The following AK2 variants were observed in gnomAD, a reference collection of about 807,000 sequenced individuals.
AK2 encodes the protein adenylate kinase 2, also known as adenylate kinase 2, mitochondrial.
A neutral mutation model predicts 24.6 loss-of-function variants in AK2; 15 were observed. That is an observed-to-expected ratio of 0.61 (90% CI 0.41 to 0.94). The LOEUF is 0.94. Among genes scored for constraint, AK2 ranks in the 40% least tolerant of loss-of-function variants. The pLI is 0.00. For missense variants in AK2, 257 were observed against 304.1 expected (o/e 0.85, Z 1.15); for synonymous variants, 102 against 114.0 (o/e 0.90, Z 0.67).
rs545717464 is a variant in AK2 at position 33,009,850 on chromosome 1, C to T, written c.*3331G>A. ...CGACAAGAAAGGGCTTCTTTTCCTTCCAGCCAGGTCCAGAATTCAATGTCA... is the reference window on the plus strand; with the variant it reads ...CGACAAGAAAGGGCTTCTTTTCCTTTCAGCCAGGTCCAGAATTCAATGTCA... On this transcript the variant is annotated 3_prime_UTR_variant, in exon 6 of 6. Coordinates refer to ENST00000672715, the MANE Select transcript of AK2 (RefSeq NM_001625.4). 4.4e-6 allele frequency: 2 copies of T among 454,478 alleles called. No individual in the cohort carries two copies. Among genetic ancestry groups the T allele is most frequent in the African/African-American group, 4.0e-5 (2 of 50,110 alleles). 28.2% of individuals were successfully genotyped at this position (454,478 alleles called of 1,614,324 possible).
Position 33,011,665 on chromosome 1 carries a change from A to G in AK2, c.*1516T>C. 7.7e-7 allele frequency: 1 copy of G among 1,298,998 alleles called. No homozygotes were observed. Among genetic ancestry groups the G allele is most frequent in the Non-Finnish European group, 1.0e-6 (1 of 996,964 alleles). The allele number at this position is 1,298,998 out of a possible 1,614,324, so 80.5% of individuals were successfully genotyped here. A position where few individuals can be genotyped will look rare whatever the true frequency, so the allele number is the denominator to read the frequency against. On this transcript the variant is annotated 3_prime_UTR_variant, in exon 6 of 6. Transcript: ENST00000672715. ...CCACTGACTTTCTAATGGTTTTTCC[A>G]GAGGCTGCCGTTTTTGTGGTCCTTC...
In AK2 at chr1:33,008,005, A is replaced by G; in HGVS notation, c.*5176T>C. Reference sequence around the variant, plus strand: ...AACCTCTCACACAGCTAAGAATTTAATATGTTAGACTATTATTAATTATGA... The same window carrying G: ...AACCTCTCACACAGCTAAGAATTTAGTATGTTAGACTATTATTAATTATGA... On this transcript the variant is annotated 3_prime_UTR_variant, in exon 6 of 6. Coordinates refer to ENST00000672715, the MANE Select transcript of AK2 (RefSeq NM_001625.4). 1 of 453,800 alleles carries G rather than the reference A, an allele frequency of 2.2e-6. No homozygotes were observed. The allele number at this position is 453,800 out of a possible 1,614,324, so 28.1% of individuals were successfully genotyped here.
chr1:33,029,197 A>G (rs746496562), intron 1 of AK2: 4 of 152,196 alleles, frequency 2.6e-5, no homozygotes, highest in Admixed American at 6.5e-5. Flanking sequence ...CAGTCTTCTC[A>G]CCTTGTAACC....
chr1:33,009,102 G>C lies in AK2; in HGVS notation c.*4079C>G. Reference sequence around the variant, plus strand: ...GTGAGGAAGTGGAGCAGAAGAGGGAGGGGCTGGTTCAGGGAACAGGATTTA... The same window carrying C: ...GTGAGGAAGTGGAGCAGAAGAGGGACGGGCTGGTTCAGGGAACAGGATTTA... On this transcript the variant is annotated 3_prime_UTR_variant, in exon 6 of 6. Coordinates refer to ENST00000672715, the MANE Select transcript of AK2 (RefSeq NM_001625.4). 2.2e-6 allele frequency: 1 copy of C among 453,748 alleles called. No homozygotes were observed. The highest frequency in any genetic ancestry group is 4.4e-6 in the Non-Finnish European group (1 of 226,536). 28.1% of individuals were successfully genotyped at this position (453,748 alleles called of 1,614,324 possible).
rs2124328960 is a variant in AK2, at chr1:33,021,473, T to C, written c.331-12A>G. 6.2e-7 allele frequency: 1 copy of C among 1,613,532 alleles called. No individual in the cohort carries two copies. Among genetic ancestry groups the C allele is most frequent in the Non-Finnish European group, 8.5e-7 (1 of 1,179,440 alleles). ...ATGAGGTCATCGAGCTGTAAAAGAA[T>C]GTGTGGCCCACCTAAGCTACCAGAG... On this transcript the variant is annotated splice_polypyrimidine_tract_variant and intron_variant, in intron 3 of 5. Transcript: ENST00000672715.
intron 2 of AK2, among the ~76,000 whole-genome samples, chr1:33,023,338 G>A (rs1265242365): frequency 6.6e-6 from 1 of 152,118 alleles, no homozygotes; most frequent in Non-Finnish European, 1.5e-5. Flanking sequence ...TGGGGCAGGA[G>A]GACTGCTCCT....
intron 1 of AK2, among the ~76,000 whole-genome samples, chr1:33,027,859 TCAGA>T (rs1316065303): frequency 6.6e-6 from 1 of 152,032 alleles, no homozygotes; most frequent in Non-Finnish European, 1.5e-5. Flanking sequence ...GGTTTTGAAG[TCAGA>T]CAGATTTACA....
Position 33,013,130 on chromosome 1 carries a change from C to T in AK2, c.*51G>A. 6.2e-7 allele frequency: 1 copy of T among 1,613,820 alleles called. No individual in the cohort carries two copies. Among genetic ancestry groups the T allele is most frequent in the Non-Finnish European group, 8.5e-7 (1 of 1,180,018 alleles). On this transcript the variant is annotated 3_prime_UTR_variant, in exon 6 of 6. Transcript: ENST00000672715. The stretch of plus-strand genomic sequence containing the variant: ...GCTTCTCTTTGCCTGTCCTATCATT[C>T]CCACCCATTGCCTCACAGGGATGGA...
In AK2 at chr1:33,021,450, G is replaced by A. The variant is rs1278641396; in HGVS notation, c.342C>T (p.Leu114=). ...CAAGCTTCTCTTTCCTCTTCTCCAT[G>A]AGGTCATCGAGCTGTAAAAGAATGT... is the stretch of plus-strand genomic sequence containing the variant. ...TVRQAEMLDD[L]MEKRKEKLDS... is the part of the protein sequence containing the mutation. Residue 114 remains leucine (L), a synonymous_variant, in exon 4 of 6, where the codon CTC becomes CTT. Coordinates refer to ENST00000672715, the MANE Select transcript of AK2 (RefSeq NM_001625.4). 1.2e-6 allele frequency: 2 copies of A among 1,613,992 alleles called. No individual in the cohort carries two copies. The highest frequency in any genetic ancestry group is 1.7e-5 in the Admixed American group (1 of 60,002).
chr1:33,036,192 T>C (rs1640569671), intron 1 of AK2, among the ~76,000 whole-genome samples: 1 of 151,938 alleles, frequency 6.6e-6, no homozygotes, highest in Non-Finnish European at 1.5e-5. Context: ...GAGCCTTAGG[T>C]TTCCTCCCAT....
chr1:33,035,468 G>C (rs1640519119), intron 1 of AK2, among the ~76,000 whole-genome samples: 1 of 152,206 alleles, frequency 6.6e-6, no homozygotes, highest in African/African-American at 2.4e-5. Flanking sequence ...GCAAGTGCTA[G>C]GAAGAGAAAA....
At chr1:33,027,866 G>A (rs986686149) in intron 1 of AK2, among the ~76,000 whole-genome samples, 2 of 152,176 alleles carry the variant, frequency 1.3e-5, no homozygotes, top group Non-Finnish European at 2.9e-5. Flanking sequence ...AAGTCAGACA[G>A]ATTTACACTT....
Position 33,009,739 on chromosome 1 carries a change from G to A in AK2, c.*3442C>T. On this transcript the variant is annotated 3_prime_UTR_variant, in exon 6 of 6. Transcript: ENST00000672715. ...AGCTGCCTTGTCTCTGGGCTCAAGA[G>A]AAGCCTGCATAGGAGCTGAAGGTCA... The A allele has an allele frequency of 2.2e-6, 1 of 454,202 alleles. No homozygotes were observed. The highest frequency in any genetic ancestry group is 4.4e-6 in the Non-Finnish European group (1 of 226,784). The allele number at this position is 454,202 out of a possible 1,614,324, so 28.1% of individuals were successfully genotyped here. A position where few individuals can be genotyped will look rare whatever the true frequency, so the allele number is the denominator to read the frequency against.
chr1:33,026,580 G>A (rs907626690), intron 1 of AK2, among the ~76,000 whole-genome samples: 10 of 152,234 alleles, frequency 6.6e-5, no homozygotes, highest in East Asian at 1.9e-4. Flanking sequence ...AGGCCAAGGC[G>A]GGTGGATCAC....
chr1:33,013,391 T>C lies in AK2; in HGVS notation c.510A>G (p.Glu170=), dbSNP rs1265143870. Residue 170 remains glutamate, a synonymous_variant, in exon 6 of 6, where the codon GAA becomes GAG. Coordinates refer to ENST00000672715, the MANE Select transcript of AK2 (RefSeq NM_001625.4). ...TATCATCTGATCGACGGATCAAGGG[T>C]TCCCCGGTGATCTGAGAACAGGAAG... ...KEPMKDDITG[E]PLIRRSDDNE... is the part of the protein sequence containing the mutation. 1 of 1,613,956 alleles carries C rather than the reference T, an allele frequency of 6.2e-7. No individual in the cohort carries two copies. The highest frequency in any genetic ancestry group is 8.5e-7 in the Non-Finnish European group (1 of 1,179,940).
Position 33,011,813 on chromosome 1 carries a change from A to C in AK2, c.*1368T>G. The C allele has an allele frequency of 1.3e-6, 2 of 1,500,552 alleles. No individual in the cohort carries two copies. Among genetic ancestry groups the C allele is most frequent in the Non-Finnish European group, 1.8e-6 (2 of 1,125,858 alleles). The allele number at this position is 1,500,552 out of a possible 1,614,324, so 93.0% of individuals were successfully genotyped here. On this transcript the variant is annotated 3_prime_UTR_variant, in exon 6 of 6. Coordinates refer to ENST00000672715, the MANE Select transcript of AK2 (RefSeq NM_001625.4). Reference sequence around the variant, plus strand: ...TTATGAATAAAAGCTGGTAACTGTCACAGGTGGTCTTATTTCTGGGTGATC... The same window carrying C: ...TTATGAATAAAAGCTGGTAACTGTCCCAGGTGGTCTTATTTCTGGGTGATC...
chr1:33,022,351 CTTT>C (rs397862465), intron 2 of AK2, among the ~76,000 whole-genome samples: 1 of 112,370 alleles, frequency 8.9e-6, no homozygotes, highest in African/African-American at 3.4e-5. Context: ...TCTTCCCTCA[CTTT>C]TTTTTTTTTT....
chr1:33,020,188 AACAC>A (rs56098182), intron 4 of AK2: 74,018 of 873,160 alleles, frequency 0.085, 1,138 homozygotes, highest in South Asian at 0.13. Context: ...AACATGTTAA[AACAC>A]ACACACACAC....
chr1:33,024,335 TAATTA>T (rs1256676412), intron 2 of AK2, 102 bp downstream of exon 2: 6 of 1,467,724 alleles, frequency 4.1e-6, no homozygotes, highest in African/African-American at 1.4e-5. Context: ...ATTTTTACAT[TAATTA>T]AATTAATCTA....
Sources: gnomAD v4.1 joint callset for allele counts (sites outside exome capture counted in the v4.1 genomes callset) on GRCh38, gnomAD v4.1.1 for gene constraint, MANE v1.5 for transcripts, NCBI Gene and HGNC (gene_info 2026-07-23, HGNC 2026-07-21) for gene names.